DNAH9: variants seen among roughly 807,000 people sequenced by gnomAD.
The protein encoded by DNAH9 is DNAH9 variant protein.
In DNAH9, 345 loss-of-function variants were observed where a neutral mutation model predicts 471.6. The observed-to-expected ratio is 0.73, with a 90% CI of 0.67 to 0.80. The LOEUF (loss-of-function observed/expected upper bound fraction) is 0.80, where lower values mean the gene tolerates loss of function less well. Ranked by LOEUF, DNAH9 falls within the 30% of genes least tolerant of loss-of-function variation. The probability of loss-of-function intolerance (pLI) is 0.00; values close to 1 mark genes in which losing one functional copy is unlikely to be tolerated. For synonymous variants in DNAH9, 2,093 were observed against 2,123.6 expected, an observed-to-expected ratio of 0.99 and a Z score of 0.40; for missense variants, 5,407 against 5,609.2, an observed-to-expected ratio of 0.96 and a Z score of 1.15.
chr17:11,910,715 A>C (rs1265786388), intron 61 of DNAH9, among the ~76,000 whole-genome samples: 1 of 152,178 alleles, frequency 6.6e-6, no homozygotes, highest in African/African-American at 2.4e-5. Flanking sequence ...ACCAACACTT[A>C]TTATCCATCT....
intron 26 of DNAH9, among the ~76,000 whole-genome samples, chr17:11,710,773 T>C (rs990981783): frequency 6.6e-6 from 1 of 152,232 alleles, no homozygotes; most frequent in African/African-American, 2.4e-5. Flanking sequence ...TAATTTTTCC[T>C]TTAACCTGTT....
chr17:11,724,041 CATGTT>C (rs1464464766), intron 27 of DNAH9, among the ~76,000 whole-genome samples: 1 of 151,978 alleles, frequency 6.6e-6, no homozygotes, highest in East Asian at 1.9e-4. Context: ...TAATGGGGTA[CATGTT>C]ATATTTTGAT....
At chr17:11,693,065 C>G (rs1382559983) in intron 20 of DNAH9, among the ~76,000 whole-genome samples, 1 of 79,068 alleles carries the variant, frequency 1.3e-5, no homozygotes, top group Non-Finnish European at 2.4e-5. Context: ...ACCACCATGA[C>G]CGGCTTTTTT....
rs542308825 is a variant in DNAH9, at chr17:11,879,084, G to T, written c.10479-994G>T. Among the ~76,000 whole-genome samples, 148 of 151,722 alleles carry T rather than the reference G, an allele frequency of 9.8e-4. 1 individual carries two copies. The highest frequency in any genetic ancestry group is 3.4e-3 in the African/African-American group (142 of 41,394). On this transcript the variant is annotated intron_variant, in intron 53 of 68. Transcript: ENST00000262442. ...AAATAGGGTCATTATTCTTTTCTATGTATCTAATACTACACCAGCTCTTAT... is the reference window on the plus strand; with the variant it reads ...AAATAGGGTCATTATTCTTTTCTATTTATCTAATACTACACCAGCTCTTAT...
intron 68 of DNAH9, among the ~76,000 whole-genome samples, chr17:11,965,166 C>T (rs1250567736): frequency 5.3e-5 from 8 of 152,204 alleles, no homozygotes; most frequent in Admixed American, 5.2e-4. Context: ...TCTGTGCACC[C>T]ATCCACAGCT....
chr17:11,764,966 GAAAAGCAAAAAT>G (rs376025620), intron 36 of DNAH9, among the ~76,000 whole-genome samples: 5 of 152,224 alleles, frequency 3.3e-5, no homozygotes, highest in African/African-American at 9.6e-5. Flanking sequence ...AAATAGCTGA[GAAAAGCAAAAAT>G]AAAAGCAAAA....
chr17:11,847,058 G>T (rs1033602148), intron 49 of DNAH9, among the ~76,000 whole-genome samples: 4 of 152,144 alleles, frequency 2.6e-5, no homozygotes, highest in Non-Finnish European at 5.9e-5. Context: ...AGGATTTAAT[G>T]AGGTGGTTTT....
chr17:11,802,106 C>T (rs1468514492), intron 43 of DNAH9, among the ~76,000 whole-genome samples: 2 of 152,148 alleles, frequency 1.3e-5, no homozygotes, highest in African/African-American at 2.4e-5. Flanking sequence ...CATCAACCAC[C>T]CGTTACTTTA....
At chr17:11,800,359 A>C in intron 43 of DNAH9, among the ~76,000 whole-genome samples, 2 of 143,182 alleles carry the variant, frequency 1.4e-5, no homozygotes, top group South Asian at 2.4e-4. Context: ...CGCTGTAATT[A>C]TCTCCTCTCT....
intron 19 of DNAH9, among the ~76,000 whole-genome samples, chr17:11,688,128 C>T (rs2074272442): frequency 1.4e-5 from 2 of 143,742 alleles, no homozygotes; most frequent in African/African-American, 5.1e-5. Flanking sequence ...ACATGGGTTC[C>T]TTTGCATGTA....
chr17:11,844,718 T>C (rs557466477), intron 49 of DNAH9, among the ~76,000 whole-genome samples: 1 of 152,332 alleles, frequency 6.6e-6, no homozygotes, highest in East Asian at 1.9e-4. Context: ...AACATCTTTT[T>C]TTATCATTTA....
intron 49 of DNAH9, among the ~76,000 whole-genome samples, chr17:11,843,863 G>GTGTGTGTGTGTGTATATATATATA (rs1253794533): frequency 2.0e-3 from 92 of 46,450 alleles, no homozygotes; most frequent in Middle Eastern, 0.029. Flanking sequence ...GTGTGTGTGT[G>GTGTGTGTGTGTGTATATATATATA]TATATATATA....
At chr17:11,756,448 A>T in intron 33 of DNAH9, 120 bp from the exon 34 acceptor site, 1 of 693,618 alleles carries the variant, frequency 1.4e-6, no homozygotes, top group Non-Finnish European at 2.6e-6. Flanking sequence ...CAGCCAAACC[A>T]TATAAAGGAA....
intron 1 of DNAH9, among the ~76,000 whole-genome samples, chr17:11,606,661 G>A (rs577228498): frequency 6.6e-6 from 1 of 151,914 alleles, no homozygotes; most frequent in African/African-American, 2.4e-5. Flanking sequence ...TGTTGGCCAG[G>A]ATGGTCTTGA....
chr17:11,889,160 T>C (rs1201250364), intron 57 of DNAH9, among the ~76,000 whole-genome samples: 1 of 152,228 alleles, frequency 6.6e-6, no homozygotes, highest in Non-Finnish European at 1.5e-5. Context: ...TGCAGATTGA[T>C]GGGAGGCCTA....
At chr17:11,884,450 G>T in intron 56 of DNAH9, 1 of 383,028 alleles carries the variant, frequency 2.6e-6, no homozygotes, top group Non-Finnish European at 5.4e-6. Flanking sequence ...AAGGGCATTG[G>T]AGATATTGGC....
Position 11,644,630 on chromosome 17 carries a change from G to C in DNAH9, c.1902-1G>C, listed in dbSNP as rs1237573420. On this transcript the variant is annotated splice_acceptor_variant, in intron 10 of 68. Transcript: ENST00000262442. LOFTEE classifies it high-confidence loss of function. ...TCACTTTTTCTCTTTTGTACGAGTA[G>C]TTGCATGGAATCTGCAGAAGGAAAG... 1 of 1,607,024 alleles carries C rather than the reference G, an allele frequency of 6.2e-7. No homozygotes were observed. The highest frequency in any genetic ancestry group is 2.2e-5 in the East Asian group (1 of 44,756).
At chr17:11,784,178 G>A in intron 40 of DNAH9, 122 bp from the exon 41 acceptor site, 1 of 1,492,280 alleles carries the variant, frequency 6.7e-7, no homozygotes, top group South Asian at 1.3e-5. Flanking sequence ...TAGTGTGAGA[G>A]ATGGGACCAA....
chr17:11,766,607 G>A (rs1967944866), intron 36 of DNAH9, among the ~76,000 whole-genome samples: 1 of 152,192 alleles, frequency 6.6e-6, no homozygotes, highest in African/African-American at 2.4e-5. Flanking sequence ...AACTGTGAGA[G>A]CCCAGGGGAC....
Sources: gnomAD v4.1 joint callset for allele counts (sites outside exome capture counted in the v4.1 genomes callset) on GRCh38, gnomAD v4.1.1 for gene constraint, MANE v1.5 for transcripts, NCBI Gene and HGNC (gene_info 2026-07-23, HGNC 2026-07-21) for gene names.